Variants in AMY2B observed in about 807,000 individuals in gnomAD.
AMY2B encodes the protein alpha-amylase 2B.
In AMY2B, 63 loss-of-function variants were observed where a neutral mutation model predicts 59.3. The observed-to-expected ratio is 1.06, with a 90% CI of 0.87 to 1.31. The LOEUF (loss-of-function observed/expected upper bound fraction) is 1.31, where lower values mean the gene tolerates loss of function less well. Ranked by LOEUF, AMY2B falls within the 50% of genes most tolerant of loss-of-function variation. The pLI, the probability that AMY2B is intolerant of heterozygous loss-of-function variation, is 0.00. For missense variants in AMY2B, 635 were observed against 626.7 expected (o/e 1.01, Z -0.14); for synonymous variants, 180 against 198.1 (o/e 0.91, Z 0.77).
chr1:103,569,803 G>T (rs1652048663), upstream of AMY2B: 2 of 452,894 alleles, frequency 4.4e-6, no homozygotes, highest in Non-Finnish European at 8.9e-6. Flanking sequence ...ACATAGAGAA[G>T]ATCTGGCATC....
chr1:103,556,928 C>A (rs569466467), intron 1 of AMY2B, among the ~76,000 whole-genome samples: 100 of 152,120 alleles, frequency 6.6e-4, no homozygotes, highest in African/African-American at 2.4e-3. Context: ...TTTAGTAATT[C>A]ATGCTAACAA....
chr1:103,571,947 A>G (rs1182995414), intron 1 of AMY2B, among the ~76,000 whole-genome samples, 163 bp from the exon 2 acceptor site: 2 of 152,222 alleles, frequency 1.3e-5, no homozygotes, highest in Admixed American at 6.5e-5. Flanking sequence ...TGTTTCTGAG[A>G]TAATCTTTCT....
intron 1 of AMY2B, among the ~76,000 whole-genome samples, chr1:103,556,630 TATA>T (rs1190685202): frequency 4.6e-5 from 7 of 151,922 alleles, no homozygotes; most frequent in Admixed American, 3.3e-4. Flanking sequence ...CTAAGTATAG[TATA>T]ATAGTACTAA....
upstream of AMY2B, chr1:103,569,785 C>A (rs1163925491): frequency 2.3e-6 from 1 of 444,232 alleles, no homozygotes; most frequent in Non-Finnish European, 4.5e-6. Flanking sequence ...TCATGACCAA[C>A]TGGGATGACA....
rs374864399 is a variant in AMY2B at position 103,575,297 on chromosome 1, G to C, written c.953G>C (p.Arg318Pro). 1 of 1,613,588 alleles carries C rather than the reference G, an allele frequency of 6.2e-7. No homozygotes were observed. Among genetic ancestry groups the C allele is most frequent in the African/African-American group, 1.3e-5 (1 of 74,974 alleles). Residue 318 changes from arginine (R) to proline (P), a missense_variant, in exon 6 of 10, where the codon CGA becomes CCA. Transcript: ENST00000684275. ...TTTGTGGATAACCATGACAATCAACGAGGACATGGGGCTGGAGGAGCCTCT... is the reference window on the plus strand; with the variant it reads ...TTTGTGGATAACCATGACAATCAACCAGGACATGGGGCTGGAGGAGCCTCT... ...LVFVDNHDNQ[R>P]GHGAGGASIL...
upstream of AMY2B, chr1:103,570,465 C>T: frequency 2.8e-6 from 2 of 706,494 alleles, no homozygotes; most frequent in East Asian, 7.1e-5. Context: ...CAACATGTAC[C>T]CAGGCATCAC....
In AMY2B at chr1:103,579,520, A is replaced by G. The variant is rs368638395; in HGVS notation, c.*20A>G. On this transcript the variant is annotated 3_prime_UTR_variant, in exon 10 of 10. Transcript: ENST00000684275. ...TTATAAAATTTAAAATTAAATGCAT[A>G]TCCTCAAAACAATAGCCAAGTGTGT... The G allele has an allele frequency of 7.2e-5, 115 of 1,607,024 alleles. 1 individual carries two copies. The African/African-American group carries it at 8.7e-4, about 12-fold the overall frequency.
At chr1:103,571,874 A>C (rs1652145865) in intron 1 of AMY2B, 104 bp downstream of exon 1, 2 of 1,602,570 alleles carry the variant, frequency 1.2e-6, no homozygotes, top group African/African-American at 2.7e-5. Flanking sequence ...TTCACAGGTA[A>C]GTATTCTAAG....
intron 2 of AMY2B, 93 bp from the exon 3 acceptor site, chr1:103,572,970 G>C (rs1281894971): frequency 3.1e-5 from 50 of 1,598,750 alleles, no homozygotes; most frequent in Non-Finnish European, 3.5e-5. Flanking sequence ...AAATATTTTG[G>C]AGTTTTATTA....
intron 2 of AMY2B, 70 bp downstream of exon 2, chr1:103,572,326 C>G (rs1652168742): frequency 6.4e-7 from 1 of 1,556,160 alleles, no homozygotes; most frequent in Non-Finnish European, 8.6e-7. Flanking sequence ...TTTCTTGCTC[C>G]TTTTCAGCAG....
intron 1 of AMY2B, among the ~76,000 whole-genome samples, chr1:103,558,498 G>A (rs1340856208): frequency 6.6e-6 from 1 of 151,992 alleles, no homozygotes; most frequent in Non-Finnish European, 1.5e-5. Flanking sequence ...TTGTTCAATG[G>A]TCCAGACTTT....
upstream of AMY2B, chr1:103,569,686 G>C (rs769178317): frequency 2.6e-6 from 1 of 387,860 alleles, no homozygotes; most frequent in Non-Finnish European, 5.2e-6. Flanking sequence ...CATGATGGTG[G>C]GCATGGGCCA....
At chr1:103,561,183 T>C (rs1021293040) in intron 1 of AMY2B, among the ~76,000 whole-genome samples, 22 of 152,226 alleles carry the variant, frequency 1.4e-4, no homozygotes, top group Non-Finnish European at 1.0e-4. Context: ...CCATAGACTT[T>C]AATTTTTTTC....
chr1:103,566,969 A>G (rs1651931375), upstream of AMY2B, among the ~76,000 whole-genome samples: 1 of 152,190 alleles, frequency 6.6e-6, no homozygotes, highest in Admixed American at 6.5e-5. Context: ...CAATCATTTT[A>G]CTAGGATTTG....
rs746802295 is a variant in AMY2B, at chr1:103,575,220, T to C, written c.879-3T>C. 3.1e-6 allele frequency: 5 copies of C among 1,613,484 alleles called. No homozygotes were observed. Among genetic ancestry groups the C allele is most frequent in the Admixed American group, 3.3e-5 (2 of 59,980 alleles). On this transcript the variant is annotated splice_polypyrimidine_tract_variant and splice_region_variant and intron_variant, in intron 5 of 9. Coordinates refer to ENST00000684275, the MANE Select transcript of AMY2B (RefSeq NM_001387437.1). ...CAACATATATCTTATTTTTCAAAAATAGGAACTGGGGAGAAGGTTGGGGTT... is the reference window on the plus strand; with the variant it reads ...CAACATATATCTTATTTTTCAAAAACAGGAACTGGGGAGAAGGTTGGGGTT...
At chr1:103,564,113 C>G (rs1651827264) in intron 1 of AMY2B, among the ~76,000 whole-genome samples, 1 of 152,100 alleles carries the variant, frequency 6.6e-6, no homozygotes, top group Admixed American at 6.6e-5. Flanking sequence ...TTTACCATAT[C>G]CATACATTGG....
In AMY2B at chr1:103,577,496, A is replaced by G. The variant is rs768984077; in HGVS notation, c.1108A>G (p.Asn370Asp). The G allele has an allele frequency of 5.0e-6, 8 of 1,611,834 alleles. No homozygotes were observed. Among genetic ancestry groups the G allele is most frequent in the Non-Finnish European group, 6.8e-6 (8 of 1,179,718 alleles). The change falls in exon 8 of 10, where the codon AAT becomes GAT. Residue 370 changes from asparagine (N) to aspartate (D), a missense_variant. Physicochemically the swap from Asn to Asp is conservative, Grantham distance 23. Coordinates refer to ENST00000684275, the MANE Select transcript of AMY2B (RefSeq NM_001387437.1). ...TTTTCACCCCCTAATTAAGGATGTT[A>G]ATGATTGGGTTGGGCCACCAAATAA... ...PRQFQNGNDV[N>D]DWVGPPNNNG... is the part of the protein sequence containing the mutation.
chr1:103,556,638 T>G (rs985555082), intron 1 of AMY2B, among the ~76,000 whole-genome samples: 2 of 152,014 alleles, frequency 1.3e-5, no homozygotes, highest in Non-Finnish European at 2.9e-5. Flanking sequence ...AGTATAATAG[T>G]ACTAAGTATA....
chr1:103,575,280 T>A lies in AMY2B; in HGVS notation c.936T>A (p.Asp312Glu). The A allele has an allele frequency of 6.2e-7, 1 of 1,613,690 alleles. No homozygotes were observed. The highest frequency in any genetic ancestry group is 1.3e-5 in the African/African-American group (1 of 75,014). Reference sequence around the variant, plus strand: ...CTGACAGAGCACTTGTCTTTGTGGATAACCATGACAATCAACGAGGACATG... The same window carrying A: ...CTGACAGAGCACTTGTCTTTGTGGAAAACCATGACAATCAACGAGGACATG... ...MPSDRALVFV[D>E]NHDNQRGHGA... The change falls in exon 6 of 10, where the codon GAT becomes GAA. Residue 312 changes from aspartate (D) to glutamate (E), a missense_variant. By Grantham distance (45) the Asp-to-Glu change is conservative. Transcript: ENST00000684275.
Sources: allele counts gnomAD v4.1 joint callset (sites outside exome capture counted in the v4.1 genomes callset), GRCh38; gene constraint gnomAD v4.1.1; transcripts MANE v1.5; gene names NCBI Gene and HGNC (gene_info 2026-07-23, HGNC 2026-07-21).